Variants in DLG2 observed in about 807,000 individuals in gnomAD.
The protein encoded by DLG2 is discs large MAGUK scaffold protein 2, also known as disks large homolog 2.
A neutral mutation model predicts 132.5 loss-of-function variants in DLG2; 45 were observed. That is an observed-to-expected ratio of 0.34 (90% CI 0.27 to 0.44). The LOEUF (loss-of-function observed/expected upper bound fraction) is 0.44, where lower values mean the gene tolerates loss of function less well. Among genes scored for constraint, DLG2 ranks in the 20% least tolerant of loss-of-function variants. DLG2 has a pLI of 1.00. For missense variants in DLG2, 1,045 were observed against 1,196.9 expected (o/e 0.87, Z 1.87); for synonymous variants, 424 against 419.6 (o/e 1.01, Z -0.13).
intron 6 of DLG2, among the ~76,000 whole-genome samples, chr11:84,593,197 G>A (rs910914602): frequency 3.3e-5 from 5 of 151,986 alleles, no homozygotes; most frequent in African/African-American, 1.2e-4. Context: ...ACTGTTGGTG[G>A]CAGTGTAAAT....
chr11:84,144,233 T>C lies in DLG2; in HGVS notation c.624+19228A>G, dbSNP rs74426565. ...AAATTCAGAAGGAAAGTTTCAAAGA[T>C]GGTTTGATTTACGGTCTGTAGATGT... is the stretch of plus-strand genomic sequence containing the variant. On this transcript the variant is annotated intron_variant, in intron 9 of 27. Coordinates refer to ENST00000376104, the MANE Select transcript of DLG2 (RefSeq NM_001142699.3). Among the ~76,000 whole-genome samples, 11 of 152,250 alleles carry C rather than the reference T, an allele frequency of 7.2e-5. No homozygotes were observed. The East Asian group carries it at 2.1e-3, about 29-fold the overall frequency.
In DLG2 at chr11:84,216,492, T is replaced by C. The variant is rs148851098; in HGVS notation, c.573+34746A>G. On this transcript the variant is annotated intron_variant, in intron 8 of 27. Coordinates refer to ENST00000376104, the MANE Select transcript of DLG2 (RefSeq NM_001142699.3). ...ATTTGTTTTACATGTAACGATTTTG[T>C]TTATCTAACAGGATATTGTAAAATG... is the stretch of plus-strand genomic sequence containing the variant. Among the ~76,000 whole-genome samples, 3 of 152,306 alleles carry C rather than the reference T, an allele frequency of 2.0e-5. No individual in the cohort carries two copies. The East Asian group carries it at 5.8e-4, about 29-fold the overall frequency.
At chr11:84,818,783 T>G (rs956247655) in intron 6 of DLG2, among the ~76,000 whole-genome samples, 6 of 151,938 alleles carry the variant, frequency 3.9e-5, no homozygotes, top group African/African-American at 1.4e-4. Flanking sequence ...TACAGAGGTA[T>G]ATGACTTGCC....
intron 6 of DLG2, among the ~76,000 whole-genome samples, chr11:85,051,483 ACTACGT>A (rs2062883453): frequency 1.3e-5 from 2 of 152,310 alleles, no homozygotes; most frequent in African/African-American, 4.8e-5. Context: ...TTCAGGTTTA[ACTACGT>A]GCCAAGCACT....
At chr11:85,513,372 A>T (rs1013950409) in intron 3 of DLG2, among the ~76,000 whole-genome samples, 1 of 152,028 alleles carries the variant, frequency 6.6e-6, no homozygotes, top group Non-Finnish European at 1.5e-5. Flanking sequence ...AGAGTTTTTA[A>T]TATGAACCAA....
At chr11:84,423,456 C>G (rs568548872) in intron 7 of DLG2, among the ~76,000 whole-genome samples, 1 of 152,228 alleles carries the variant, frequency 6.6e-6, no homozygotes, top group African/African-American at 2.4e-5. Flanking sequence ...ATCTTTTTAT[C>G]ATCTAAGATG....
intron 11 of DLG2, among the ~76,000 whole-genome samples, chr11:84,006,809 A>G (rs927134266): frequency 6.6e-6 from 1 of 151,338 alleles, no homozygotes. Context: ...ACTCTAGGAG[A>G]CTTTTTCCCT....
chr11:85,101,094 C>T (rs1180309962), intron 6 of DLG2, among the ~76,000 whole-genome samples: 1 of 152,140 alleles, frequency 6.6e-6, no homozygotes, highest in African/African-American at 2.4e-5. Context: ...GCCCCAGAAC[C>T]AAATTATATC....
chr11:83,744,154 G>T (rs1312572874), intron 18 of DLG2, among the ~76,000 whole-genome samples: 1 of 152,104 alleles, frequency 6.6e-6, no homozygotes. Flanking sequence ...CTGTGGTAGT[G>T]GATAATATAA....
At chr11:84,251,372 A>G (rs2154350747) in intron 7 of DLG2, 81 bp from the exon 8 acceptor site, 1 of 1,078,126 alleles carries the variant, frequency 9.3e-7, no homozygotes, top group East Asian at 2.9e-5. Flanking sequence ...TATTTAACAA[A>G]GAGCTCAACA....
At chr11:84,082,530 A>AT (rs1212675226) in intron 10 of DLG2, among the ~76,000 whole-genome samples, 1 of 152,206 alleles carries the variant, frequency 6.6e-6, no homozygotes, top group Non-Finnish European at 1.5e-5. Context: ...CTGATCAGTC[A>AT]TTTCCTGAAG....
chr11:84,852,856 T>C (rs1030592716), intron 6 of DLG2, among the ~76,000 whole-genome samples: 2 of 151,824 alleles, frequency 1.3e-5, no homozygotes, highest in African/African-American at 4.8e-5. Context: ...AGAGAAAATG[T>C]CTTTCCAGAA....
chr11:85,245,500 T>C (rs2076088994), intron 4 of DLG2, among the ~76,000 whole-genome samples: 1 of 151,996 alleles, frequency 6.6e-6, no homozygotes, highest in Non-Finnish European at 1.5e-5. Context: ...ACCACTTCCA[T>C]CACTACCACC....
chr11:85,546,054 G>C (rs1391447023), intron 3 of DLG2, among the ~76,000 whole-genome samples: 1 of 152,040 alleles, frequency 6.6e-6, no homozygotes, highest in African/African-American at 2.4e-5. Flanking sequence ...GTTTGCTCCT[G>C]CTTCTCTAGT....
intron 3 of DLG2, among the ~76,000 whole-genome samples, chr11:85,465,401 C>T (rs1463555334): frequency 1.3e-5 from 2 of 151,926 alleles, no homozygotes; most frequent in African/African-American, 2.4e-5. Context: ...GTGTGCTGCA[C>T]CCAGTAACTC....
intron 3 of DLG2, among the ~76,000 whole-genome samples, chr11:85,381,197 G>A (rs990045002): frequency 1.3e-5 from 2 of 152,150 alleles, no homozygotes; most frequent in African/African-American, 4.8e-5. Context: ...ACAAATTTGA[G>A]CCAAGTATTA....
intron 6 of DLG2, among the ~76,000 whole-genome samples, chr11:84,578,784 G>C (rs115611827): frequency 4.6e-5 from 7 of 152,212 alleles, no homozygotes; most frequent in African/African-American, 1.7e-4. Context: ...TTTGGAATGC[G>C]AAGACATGAG....
intron 9 of DLG2, among the ~76,000 whole-genome samples, chr11:84,155,098 G>A (rs569953222): frequency 1.3e-5 from 2 of 152,130 alleles, no homozygotes; most frequent in Non-Finnish European, 2.9e-5. Flanking sequence ...TCAAAAAGTG[G>A]ACCTATTTTT....
intron 6 of DLG2, among the ~76,000 whole-genome samples, chr11:84,969,560 T>C (rs1390037203): frequency 6.6e-6 from 1 of 152,210 alleles, no homozygotes; most frequent in Non-Finnish European, 1.5e-5. Context: ...TTTTCCTTGT[T>C]CCCCAAAGAA....
Sources: gnomAD v4.1 joint callset for allele counts (sites outside exome capture counted in the v4.1 genomes callset) on GRCh38, gnomAD v4.1.1 for gene constraint, MANE v1.5 for transcripts, NCBI Gene and HGNC (gene_info 2026-07-23, HGNC 2026-07-21) for gene names.